Variants in KDM5B observed in about 807,000 individuals in gnomAD.
KDM5B encodes the protein lysine demethylase 5B, also known as lysine-specific demethylase 5B.
KDM5B carries 144 observed loss-of-function variants against 193.4 expected under a neutral mutation model. That is an observed-to-expected ratio of 0.74 (90% CI 0.65 to 0.86). The LOEUF (loss-of-function observed/expected upper bound fraction) is 0.86. Among genes scored for constraint, KDM5B ranks in the 40% least tolerant of loss-of-function variants. The pLI, the probability that KDM5B is intolerant of heterozygous loss-of-function variation, is 0.00. For missense variants in KDM5B, 1,833 were observed against 1,886.9 expected (o/e 0.97, Z 0.53); for synonymous variants, 668 against 682.6 (o/e 0.98, Z 0.33).
intron 1 of KDM5B, among the ~76,000 whole-genome samples, chr1:202,789,810 A>T (rs1043673495): frequency 3.3e-5 from 5 of 152,002 alleles, no homozygotes; most frequent in African/African-American, 1.2e-4. Context: ...TACCATCTCT[A>T]CAAAATGTTA....
chr1:202,776,194 C>T (rs567143257), intron 2 of KDM5B: 10 of 152,148 alleles, frequency 6.6e-5, no homozygotes, highest in African/African-American at 2.2e-4. Flanking sequence ...AATGCTGCTG[C>T]ACTCCACCCT....
In KDM5B at chr1:202,736,453, A is replaced by C. The variant is rs956310773; in HGVS notation, c.3085-61T>G. 37 of 1,357,502 alleles carry C rather than the reference A, an allele frequency of 2.7e-5. No homozygotes were observed. The East Asian group carries it at 8.6e-4, about 32-fold the overall frequency. 84.1% of individuals were successfully genotyped at this position (1,357,502 alleles called of 1,614,324 possible). A position where few individuals can be genotyped will look rare whatever the true frequency, so the allele number is the denominator to read the frequency against. On this transcript the variant is annotated intron_variant, in intron 20 of 26. Transcript: ENST00000367265. ...AAAGAACACTTCTATGAAAAACAGG[A>C]AAAGCTTAATTCAGATTGGTCCATT...
chr1:202,766,418 A>AT, intron 5 of KDM5B: 1 of 390,802 alleles, frequency 2.6e-6, no homozygotes, highest in Middle Eastern at 7.5e-4. Flanking sequence ...AGGCAGAAGA[A>AT]TTGCTGGAAT....
chr1:202,758,503 C>T lies in KDM5B; in HGVS notation c.1085G>A (p.Ser362Asn). ...AAAGCCAAATGCTTCTTGTGGCTTA[C>T]TACATTCCTGAAAATAAAGAAAATT... ...RCPKCLAQEC[S>N]KPQEAFGFEQ... Residue 362 changes from serine to asparagine, a missense_variant, in exon 9 of 27, where the codon AGT becomes AAT. By Grantham distance (46) the Ser-to-Asn change is conservative. Around this residue, in one of 3 missense-constraint regions of KDM5B, gnomAD observed 99 missense variants for 162.4 expected, o/e 0.61. Coordinates refer to ENST00000367265, the MANE Select transcript of KDM5B (RefSeq NM_006618.5). 1.9e-6 allele frequency: 3 copies of T among 1,607,634 alleles called. No homozygotes were observed. Among genetic ancestry groups the T allele is most frequent in the Non-Finnish European group, 1.7e-6 (2 of 1,175,120 alleles).
chr1:202,771,563 ATTTT>A (rs551228721), intron 4 of KDM5B, among the ~76,000 whole-genome samples: 1 of 148,434 alleles, frequency 6.7e-6, no homozygotes, highest in African/African-American at 2.5e-5. Flanking sequence ...CCTATTTTTT[ATTTT>A]TTTAAGTTTT....
At chr1:202,743,163 T>C (rs999152479) in intron 16 of KDM5B, among the ~76,000 whole-genome samples, 5 of 151,858 alleles carry the variant, frequency 3.3e-5, no homozygotes, top group Admixed American at 1.3e-4. Context: ...ACAAGCAAGA[T>C]CTCCTCTCTA....
intron 20 of KDM5B, among the ~76,000 whole-genome samples, chr1:202,740,249 C>A: frequency 6.7e-6 from 1 of 149,642 alleles, no homozygotes; most frequent in East Asian, 2.0e-4. Flanking sequence ...TCCCGCCTCC[C>A]TCCCGGACGG....
intron 1 of KDM5B, among the ~76,000 whole-genome samples, chr1:202,798,933 C>T (rs1019069402): frequency 2.6e-5 from 4 of 151,704 alleles, no homozygotes; most frequent in South Asian, 4.2e-4. Flanking sequence ...GGTGAGAGGA[C>T]GGCTTGAGCT....
Position 202,733,876 on chromosome 1 carries a change from A to C in KDM5B, c.3434T>G (p.Leu1145Arg). The change falls in exon 23 of 27, where the codon CTT becomes CGT. Residue 1145 changes from leucine to arginine, a missense_variant. By Grantham distance (102) the Leu-to-Arg change is moderately radical (BLOSUM62 -2). Coordinates refer to ENST00000367265, the MANE Select transcript of KDM5B (RefSeq NM_006618.5). ...CATTTCCCTTAGGCGAGCTTCCCCA[A>C]GAGTTGCCATCTGAAAAAGAGTTAA... is the stretch of plus-strand genomic sequence containing the variant. ...SKETASAMAT[L>R]GEARLREMEA... The C allele has an allele frequency of 6.2e-7, 1 of 1,607,802 alleles. No individual in the cohort carries two copies. Among genetic ancestry groups the C allele is most frequent in the Non-Finnish European group, 8.5e-7 (1 of 1,176,914 alleles).
intron 1 of KDM5B, among the ~76,000 whole-genome samples, chr1:202,786,979 T>C (rs1160433388): frequency 6.6e-6 from 1 of 152,160 alleles, no homozygotes; most frequent in Non-Finnish European, 1.5e-5. Context: ...TTAGCTTTAT[T>C]CCTACTGAGT....
rs1252629151 is a variant in KDM5B, at chr1:202,747,605, ATAT to A, written c.2017-1285_2017-1283del. Among the ~76,000 whole-genome samples, 10 of 151,980 alleles carry A rather than the reference ATAT, an allele frequency of 6.6e-5. No homozygotes were observed. The East Asian group carries it at 1.5e-3, about 23-fold the overall frequency. ...AAAAAAACAGTATTACTATTTGCAG[ATAT>A]TATTATTCTAAAAGAATCCATGAAA... On this transcript the variant is annotated intron_variant, in intron 14 of 26. Transcript: ENST00000367265.
At chr1:202,771,923 C>T (rs538233317) in intron 4 of KDM5B, among the ~76,000 whole-genome samples, 148 of 152,054 alleles carry the variant, frequency 9.7e-4, no homozygotes, top group African/African-American at 3.5e-3. Flanking sequence ...GCTCACTAAA[C>T]ATTCATATAA....
chr1:202,785,240 C>T (rs566807844), intron 1 of KDM5B, among the ~76,000 whole-genome samples: 1 of 152,312 alleles, frequency 6.6e-6, no homozygotes, highest in Non-Finnish European at 1.5e-5. Flanking sequence ...ATCCTTCCAG[C>T]CTAACCCTAG....
At chr1:202,777,151 A>G in intron 1 of KDM5B, 57 bp from the exon 2 acceptor site, 1 of 1,380,204 alleles carries the variant, frequency 7.2e-7, no homozygotes, top group Non-Finnish European at 1.0e-6. Context: ...ACATTCAAAA[A>G]TTTGTTTTAA....
intron 6 of KDM5B, 29 bp downstream of exon 6, chr1:202,764,020 C>A: frequency 8.9e-7 from 1 of 1,118,848 alleles, no homozygotes; most frequent in Non-Finnish European, 1.3e-6. Context: ...TTTACTTTTT[C>A]TTTCCTATTC....
chr1:202,799,629 C>A (rs1428839990), intron 1 of KDM5B, among the ~76,000 whole-genome samples: 1 of 151,136 alleles, frequency 6.6e-6, no homozygotes. Context: ...TGCACTCCAG[C>A]CTGGGTGACA....
chr1:202,742,565 G>C (rs1655387801), intron 17 of KDM5B, 60 bp from the exon 18 acceptor site: 1 of 1,592,494 alleles, frequency 6.3e-7, no homozygotes, highest in African/African-American at 1.3e-5. Context: ...ACCACACCCA[G>C]GTGGTCACAG....
Position 202,742,222 on chromosome 1 carries a change from T to C in KDM5B, c.2589+169A>G, listed in dbSNP as rs6658451. On this transcript the variant is annotated intron_variant, in intron 18 of 26. Transcript: ENST00000367265. The stretch of plus-strand genomic sequence containing the variant: ...TCCAACTTTATTTCCCCTCTGTGGA[T>C]CTACTATAATCTCTTTATATACATA... Among the ~76,000 whole-genome samples, 149,830 of 152,300 alleles carry C rather than the reference T, an allele frequency of 0.98. 73,751 individuals carry two copies. Among genetic ancestry groups the C allele is most frequent in the Middle Eastern group, 1 (294 of 294 alleles).
chr1:202,760,213 G>A (rs77911786), intron 8 of KDM5B, among the ~76,000 whole-genome samples: 7,210 of 148,028 alleles, frequency 0.049, 598 homozygotes, highest in African/African-American at 0.17. Context: ...ACGTGGGGGG[G>A]GCTGAGGTGG....
Sources: gnomAD v4.1 joint callset for allele counts (sites outside exome capture counted in the v4.1 genomes callset) on GRCh38, gnomAD v4.1.1 for gene constraint, gnomAD v4.1.1 regional missense constraint, MANE v1.5 for transcripts, NCBI Gene and HGNC (gene_info 2026-07-23, HGNC 2026-07-21) for gene names.